The following DNAJC7 variants were observed in gnomAD, a reference collection of about 807,000 sequenced individuals.
DNAJC7 encodes the protein dnaJ homolog subfamily C member 7.
In DNAJC7, 18 loss-of-function variants were observed where a neutral mutation model predicts 67.4. The observed-to-expected ratio is 0.27, with a 90% CI of 0.18 to 0.40. DNAJC7 has a LOEUF of 0.40. DNAJC7 is among the 10% of genes least tolerant of loss of function. DNAJC7 has a pLI of 1.00. For missense variants in DNAJC7, 419 were observed against 613.8 expected (o/e 0.68, Z 3.35); for synonymous variants, 220 against 207.8 (o/e 1.06, Z -0.50).
intron 1 of DNAJC7, chr17:42,011,387 G>GC (rs2052111974): frequency 6.6e-6 from 1 of 152,194 alleles, no homozygotes; most frequent in African/African-American, 2.4e-5. Flanking sequence ...CACTCACTTG[G>GC]CCCTATATTT....
In DNAJC7 at chr17:41,976,583, C is replaced by A; in HGVS notation, c.*150G>T. ...CGGCATTGGTTCCCTTTGCTCCACC[C>A]CACTCACAGAGACACAGGGCATCCA... On this transcript the variant is annotated 3_prime_UTR_variant, in exon 14 of 14. Transcript: ENST00000457167. The A allele has an allele frequency of 1.0e-6, 1 of 992,382 alleles. No homozygotes were observed. Among genetic ancestry groups the A allele is most frequent in the Non-Finnish European group, 1.5e-6 (1 of 688,172 alleles). 61.5% of individuals were successfully genotyped at this position (992,382 alleles called of 1,614,324 possible). A position where few individuals can be genotyped will look rare whatever the true frequency, so the allele number is the denominator to read the frequency against.
intron 5 of DNAJC7, among the ~76,000 whole-genome samples, chr17:41,994,244 G>C (rs2051594180): frequency 2.0e-5 from 3 of 152,086 alleles, no homozygotes; most frequent in Admixed American, 2.0e-4. Flanking sequence ...GTTGAGGCAG[G>C]AGAATCGCTT....
At chr17:41,977,674 C>T (rs544751509) in intron 12 of DNAJC7, 4 of 182,306 alleles carry the variant, frequency 2.2e-5, no homozygotes, top group Non-Finnish European at 4.6e-5. Flanking sequence ...GCTGGAGCGG[C>T]TACTAAAAAG....
At chr17:41,996,007 C>T (rs1240182733) in intron 4 of DNAJC7, among the ~76,000 whole-genome samples, 4 of 152,206 alleles carry the variant, frequency 2.6e-5, no homozygotes, top group Non-Finnish European at 5.9e-5. Flanking sequence ...CAGGGTCTCA[C>T]TAAGTCCCAA....
In DNAJC7 at chr17:41,987,771, G is replaced by C. The variant is rs147300639; in HGVS notation, c.1010+48C>G. 1.0e-4 allele frequency: 158 copies of C among 1,514,660 alleles called. No individual in the cohort carries two copies. In the Middle Eastern group the frequency reaches 1.7e-3, roughly 16 times the overall value. The allele number at this position is 1,514,660 out of a possible 1,614,324, so 93.8% of individuals were successfully genotyped here. A position where few individuals can be genotyped will look rare whatever the true frequency, so the allele number is the denominator to read the frequency against. ...TCGTCATCCACAAGGCAATTCCCCT[G>C]AGGCCAGCGGCAACTCCCTCTTCCC... On this transcript the variant is annotated intron_variant, in intron 9 of 13. Coordinates refer to ENST00000457167, the MANE Select transcript of DNAJC7 (RefSeq NM_003315.4).
At chr17:41,982,088 T>A in intron 11 of DNAJC7, 81 bp from the exon 12 acceptor site, 1 of 1,576,462 alleles carries the variant, frequency 6.3e-7, no homozygotes, top group South Asian at 1.2e-5. Context: ...CTACTTTCTG[T>A]CTAATTTTGG....
chr17:41,976,710 G>A lies in DNAJC7; in HGVS notation c.*23C>T. The A allele has an allele frequency of 6.2e-7, 1 of 1,605,524 alleles. No homozygotes were observed. Among genetic ancestry groups the A allele is most frequent in the Non-Finnish European group, 8.5e-7 (1 of 1,178,136 alleles). On this transcript the variant is annotated 3_prime_UTR_variant, in exon 14 of 14. Transcript: ENST00000457167. ...TAAACTGAGTGAATCTGCATTTTCT[G>A]GGTTCTGGGTGGTTGCCCTTCATTA... is the stretch of plus-strand genomic sequence containing the variant.
intron 9 of DNAJC7, chr17:41,985,403 G>A (rs1210181247): frequency 1.4e-5 from 2 of 147,398 alleles, no homozygotes; most frequent in Admixed American, 6.8e-5. Context: ...CTGGGTGACA[G>A]AGCTGGATCC....
At chr17:41,982,033 T>C (rs1555646051) in intron 11 of DNAJC7, 26 bp from the exon 12 acceptor site, 1 of 1,592,650 alleles carries the variant, frequency 6.3e-7, no homozygotes, top group South Asian at 1.2e-5. Flanking sequence ...AAAGAACAAC[T>C]CAGTGGAAAT....
At chr17:41,989,614 C>A in intron 6 of DNAJC7, 57 bp from the exon 7 acceptor site, 1 of 1,587,504 alleles carries the variant, frequency 6.3e-7, no homozygotes, top group East Asian at 2.2e-5. Context: ...CCCACCATTA[C>A]TACCATTTGT....
At chr17:41,996,970 C>A in intron 3 of DNAJC7, 145 bp downstream of exon 3, 2 of 1,297,010 alleles carry the variant, frequency 1.5e-6, no homozygotes, top group Non-Finnish European at 2.1e-6. Flanking sequence ...TGCTGCTAAA[C>A]AACCCACAGT....
At position 41,999,342 on chromosome 17, in the gene DNAJC7, G is replaced by C. The variant is rs1471270603; in HGVS notation, c.166+1140C>G. Reference sequence around the variant, plus strand: ...TTGGGGTAAGCAAATTAGGGGAGAAGAACTCCTGACCTCAGGTGATCCGCC... The same window carrying C: ...TTGGGGTAAGCAAATTAGGGGAGAACAACTCCTGACCTCAGGTGATCCGCC... On this transcript the variant is annotated intron_variant, in intron 2 of 13. Coordinates refer to ENST00000457167, the MANE Select transcript of DNAJC7 (RefSeq NM_003315.4). Among the ~76,000 whole-genome samples the C allele has an allele frequency of 5.3e-5, 8 of 152,158 alleles. No homozygotes were observed. The South Asian group carries it at 1.5e-3, about 28-fold the overall frequency.
chr17:41,993,208 C>T (rs147290013), intron 5 of DNAJC7, among the ~76,000 whole-genome samples: 2,753 of 152,302 alleles, frequency 0.018, 27 homozygotes, highest in Non-Finnish European at 0.027. Context: ...GCCTGTAATC[C>T]CAGCACTTTG....
intron 5 of DNAJC7, among the ~76,000 whole-genome samples, chr17:41,993,684 A>ATT (rs2051570161): frequency 6.6e-6 from 1 of 152,152 alleles, no homozygotes; most frequent in Non-Finnish European, 1.5e-5. Context: ...TCCAAGCACC[A>ATT]TCTAAAGAAG....
rs782356736 is a variant in DNAJC7, at chr17:41,996,405, T to C, written c.311A>G (p.Lys104Arg). 5 of 1,613,952 alleles carry C rather than the reference T, an allele frequency of 3.1e-6. 1 individual carries two copies. In the South Asian group the frequency reaches 5.5e-5, roughly 18 times the overall value. The change falls in exon 4 of 14, where the codon AAG becomes AGG. Residue 104 changes from lysine to arginine, a missense_variant. By Grantham distance (26) the Lys-to-Arg change is conservative. Around this residue, in one of 4 missense-constraint regions of DNAJC7, gnomAD observed 179 missense variants for 249.7 expected, o/e 0.72. Transcript: ENST00000457167. The stretch of plus-strand genomic sequence containing the variant: ...GGCATTCCCCAGAGAGAGGTGGCAC[T>C]TGCCCTCTCGTAGATGTCCCTAAAA... ...SFVRGHLREG[K>R]CHLSLGNAMA...
intron 5 of DNAJC7, chr17:41,992,930 A>G (rs1275223776): frequency 6.6e-6 from 1 of 152,230 alleles, no homozygotes; most frequent in Non-Finnish European, 1.5e-5. Flanking sequence ...GCTTTTGCCT[A>G]TGTAAACCTC....
At chr17:41,987,069 G>C (rs1304575843) in intron 9 of DNAJC7, among the ~76,000 whole-genome samples, 1 of 152,178 alleles carries the variant, frequency 6.6e-6, no homozygotes, top group Non-Finnish European at 1.5e-5. Context: ...AATCAGAAGA[G>C]ATGGATTTCT....
At chr17:41,982,204 G>C (rs540693029) in intron 11 of DNAJC7, 51 bp downstream of exon 11, 41 of 1,608,440 alleles carry the variant, frequency 2.5e-5, no homozygotes, top group Middle Eastern at 3.3e-4. Flanking sequence ...GTGGCAGTTG[G>C]CCTGCCCTGC....
intron 3 of DNAJC7, among the ~76,000 whole-genome samples, chr17:41,996,828 TGACTACAGCA>T (rs1555648726): frequency 2.6e-5 from 4 of 151,970 alleles, no homozygotes; most frequent in Non-Finnish European, 4.4e-5. Context: ...AAAATGAAAA[TGACTACAGCA>T]GTAGTTCTCA....
Sources: gnomAD v4.1 joint callset for allele counts (sites outside exome capture counted in the v4.1 genomes callset) on GRCh38, gnomAD v4.1.1 for gene constraint, gnomAD v4.1.1 regional missense constraint, MANE v1.5 for transcripts, NCBI Gene and HGNC (gene_info 2026-07-23, HGNC 2026-07-21) for gene names.